MYCBP2: variants seen among roughly 807,000 people sequenced by gnomAD.
MYCBP2 encodes the protein MYC binding protein 2.
In MYCBP2, 120 loss-of-function variants were observed where a neutral mutation model predicts 525.3. The ratio of observed to expected loss-of-function variants is 0.23; its 90% CI spans 0.20 to 0.27. The LOEUF is 0.27. Among genes scored for constraint, MYCBP2 ranks in the 10% least tolerant of loss-of-function variants. MYCBP2 has a pLI of 1.00. For missense variants in MYCBP2, 4,149 were observed against 5,657.1 expected (o/e 0.73, Z 8.55); for synonymous variants, 1,894 against 1,955.8 (o/e 0.97, Z 0.83).
chr13:77,192,594 G>A (rs1305918201), intron 27 of MYCBP2, among the ~76,000 whole-genome samples: 1 of 152,120 alleles, frequency 6.6e-6, no homozygotes, highest in Non-Finnish European at 1.5e-5. Context: ...GTAGAGGTAT[G>A]GAAGTACAAA....
rs2075824644 is a variant in MYCBP2 at position 77,278,110 on chromosome 13, T to A, written c.748+648A>T. ...TTAATCCATAACACAAATAGATTTTTATTTATGATGAATACAAAAAAAAGT... is the reference window on the plus strand; with the variant it reads ...TTAATCCATAACACAAATAGATTTTAATTTATGATGAATACAAAAAAAAGT... On this transcript the variant is annotated intron_variant, in intron 4 of 82. Transcript: ENST00000544440. Among the ~76,000 whole-genome samples, 6 of 152,324 alleles carry A rather than the reference T, an allele frequency of 3.9e-5. No homozygotes were observed. In the South Asian group the frequency reaches 1.2e-3, roughly 32 times the overall value.
chr13:77,209,253 G>A (rs1357934854), intron 23 of MYCBP2, among the ~76,000 whole-genome samples: 1 of 152,190 alleles, frequency 6.6e-6, no homozygotes, highest in Non-Finnish European at 1.5e-5. Context: ...ATACTTGAGA[G>A]TTCTGTTAAG....
chr13:77,225,631 T>C lies in MYCBP2; in HGVS notation c.2738-77A>G, dbSNP rs1219177414. On this transcript the variant is annotated intron_variant, in intron 18 of 82. Coordinates refer to ENST00000544440, the MANE Select transcript of MYCBP2 (RefSeq NM_015057.5). ...AATAAAAATTTAAATCAGTTTATTA[T>C]GGAAGAACAAGAGAAAAATGTTAAA... The C allele has an allele frequency of 1.9e-5, 30 of 1,548,324 alleles. No individual in the cohort carries two copies. The Admixed American group carries it at 2.8e-4, about 15-fold the overall frequency.
At chr13:77,267,794 A>G (rs1330676917) in intron 8 of MYCBP2, 47 bp downstream of exon 8, 1 of 1,388,284 alleles carries the variant, frequency 7.2e-7, no homozygotes. Flanking sequence ...TAACATGCAC[A>G]TTTCTTAAAA....
At chr13:77,052,509 C>T (rs139244174) in intron 80 of MYCBP2, among the ~76,000 whole-genome samples, 41 of 152,262 alleles carry the variant, frequency 2.7e-4, no homozygotes, top group Non-Finnish European at 4.9e-4. Flanking sequence ...AAAGCTATTT[C>T]GACTCTCAAA....
Position 77,278,895 on chromosome 13 carries a change from A to T in MYCBP2, c.611T>A (p.Leu204His). The T allele has an allele frequency of 6.3e-7, 1 of 1,582,034 alleles. No homozygotes were observed. Among genetic ancestry groups the T allele is most frequent in the South Asian group, 1.2e-5 (1 of 85,380 alleles). The change falls in exon 4 of 83, where the codon CTT becomes CAT. Residue 204 changes from leucine (L) to histidine (H), a missense_variant. Leu to His is a moderately conservative substitution (Grantham distance 99). Transcript: ENST00000544440. ...TTTGATCAATTCAAAAACTTCACAAAGGCCAACCTCAATAATCTATTTAAA... is the reference window on the plus strand; with the variant it reads ...TTTGATCAATTCAAAAACTTCACAATGGCCAACCTCAATAATCTATTTAAA... ...IKLPKIIEVG[L>H]CEVFELIKET...
intron 24 of MYCBP2, among the ~76,000 whole-genome samples, chr13:77,205,869 A>C (rs997673984): frequency 6.6e-6 from 1 of 152,190 alleles, no homozygotes; most frequent in African/African-American, 2.4e-5. Flanking sequence ...AATTCTTACA[A>C]GGTTCTTCCT....
chr13:77,231,740 ACT>A (rs2067161699), intron 18 of MYCBP2, among the ~76,000 whole-genome samples: 1 of 152,250 alleles, frequency 6.6e-6, no homozygotes, highest in Non-Finnish European at 1.5e-5. Context: ...CCTCAGTTAA[ACT>A]ATTGGGAAAA....
intron 6 of MYCBP2, 25 bp from the exon 7 acceptor site, chr13:77,270,088 T>C: frequency 6.4e-7 from 1 of 1,566,964 alleles, no homozygotes; most frequent in East Asian, 2.2e-5. Flanking sequence ...AAAGTTAGTA[T>C]ATCAGTGGTT....
chr13:77,225,488 C>G lies in MYCBP2; in HGVS notation c.2804G>C (p.Arg935Pro). 1 of 1,613,792 alleles carries G rather than the reference C, an allele frequency of 6.2e-7. No homozygotes were observed. Among genetic ancestry groups the G allele is most frequent in the Non-Finnish European group, 8.5e-7 (1 of 1,179,808 alleles). The change falls in exon 19 of 83, where the codon CGA (arginine) becomes CCA (proline). Residue 935 changes from arginine (R) to proline (P), a missense_variant. Arg to Pro is a moderately radical substitution (Grantham distance 103, BLOSUM62 -2). Transcript: ENST00000544440. ...KITTYPPGSV[R>P]FDCELRAVQV... ...GACTGCCCGGAGCTCACAGTCAAAT[C>G]GCACAGAGCCTGGAGGGTATGTTGT... is the stretch of plus-strand genomic sequence containing the variant.
At chr13:77,230,503 T>G (rs2066981020) in intron 18 of MYCBP2, among the ~76,000 whole-genome samples, 1 of 152,252 alleles carries the variant, frequency 6.6e-6, no homozygotes, top group Non-Finnish European at 1.5e-5. Flanking sequence ...TTTTGGAGTT[T>G]GTTCAAATTT....
chr13:77,083,108 G>A lies in MYCBP2; in HGVS notation c.10960C>T (p.His3654Tyr). Residue 3654 changes from histidine (H) to tyrosine (Y), a missense_variant, in exon 63 of 83, where the codon CAC becomes TAC. Physicochemically the swap from His to Tyr is moderately conservative, Grantham distance 83. This residue lies in a region of MYCBP2 where 509 missense variants were observed against 789.4 expected (regional missense o/e 0.64). Transcript: ENST00000544440. Reference protein sequence around the residue: ...EAAHPLPHTFHRLLQTISDLM... With the variant: ...EAAHPLPHTFYRLLQTISDLM... ...TCTGAGATGGTCTGCAGCAAGCGGTGAAAGGTGTGTGGTAAAGGATGAGCA... is the reference window on the plus strand; with the variant it reads ...TCTGAGATGGTCTGCAGCAAGCGGTAAAAGGTGTGTGGTAAAGGATGAGCA... 1 of 1,613,638 alleles carries A rather than the reference G, an allele frequency of 6.2e-7. No homozygotes were observed. The highest frequency in any genetic ancestry group is 8.5e-7 in the Non-Finnish European group (1 of 1,179,698).
intron 55 of MYCBP2, among the ~76,000 whole-genome samples, chr13:77,112,511 G>A (rs914732563): frequency 7.3e-5 from 11 of 151,374 alleles, no homozygotes; most frequent in Non-Finnish European, 1.0e-4. Flanking sequence ...CTGCAGCCTC[G>A]AACTCCTGGG....
rs201198960 is a variant in MYCBP2 at position 77,176,643 on chromosome 13, T to G, written c.5341-15A>C. ...GCATGTTCACTCTAAAAAAAAAAAA[T>G]GAAACACAAAAATTCCAACAGACTC... On this transcript the variant is annotated splice_polypyrimidine_tract_variant and intron_variant, in intron 35 of 82. Transcript: ENST00000544440. 2 of 1,445,514 alleles carry G rather than the reference T, an allele frequency of 1.4e-6. No individual in the cohort carries two copies. The highest frequency in any genetic ancestry group is 1.9e-6 in the Non-Finnish European group (2 of 1,078,642). 89.5% of individuals were successfully genotyped at this position (1,445,514 alleles called of 1,614,324 possible).
chr13:77,121,516 G>T, intron 54 of MYCBP2, 21 bp from the exon 55 acceptor site: 1 of 1,538,246 alleles, frequency 6.5e-7, no homozygotes, highest in Non-Finnish European at 8.8e-7. Context: ...AGCCATAGCT[G>T]TAACATTAGT....
chr13:77,121,544 C>T (rs1199615254), intron 54 of MYCBP2, 49 bp from the exon 55 acceptor site: 2 of 1,420,544 alleles, frequency 1.4e-6, no homozygotes, highest in Non-Finnish European at 1.9e-6. Flanking sequence ...GTGCTATTCC[C>T]TATTCATACA....
chr13:77,125,889 A>G (rs894625218), intron 53 of MYCBP2, among the ~76,000 whole-genome samples: 1 of 152,198 alleles, frequency 6.6e-6, no homozygotes, highest in Non-Finnish European at 1.5e-5. Context: ...TTATCAGCTG[A>G]GGCAAATGCC....
intron 4 of MYCBP2, among the ~76,000 whole-genome samples, chr13:77,278,043 C>G (rs949958704): frequency 6.6e-6 from 1 of 152,070 alleles, no homozygotes; most frequent in Non-Finnish European, 1.5e-5. Context: ...TTAAGAAAAG[C>G]GAACACTTTA....
chr13:77,104,989 A>G (rs1406066121), intron 55 of MYCBP2, among the ~76,000 whole-genome samples: 1 of 152,166 alleles, frequency 6.6e-6, no homozygotes, highest in Non-Finnish European at 1.5e-5. Flanking sequence ...TTTAAGTGTC[A>G]TATAATAAGG....
Sources: allele counts gnomAD v4.1 joint callset (sites outside exome capture counted in the v4.1 genomes callset), GRCh38; gene constraint gnomAD v4.1.1; regional missense constraint gnomAD v4.1.1; transcripts MANE v1.5; gene names NCBI Gene and HGNC (gene_info 2026-07-23, HGNC 2026-07-21).